The following NFASC variants were observed in gnomAD, a reference collection of about 807,000 sequenced individuals.
NFASC encodes the protein neurofascin homolog.
In NFASC, 43 loss-of-function variants were observed where a neutral mutation model predicts 147.5. The observed-to-expected ratio is 0.29, with a 90% CI of 0.23 to 0.38. The LOEUF is 0.38. Ranked by LOEUF, NFASC falls within the 10% of genes least tolerant of loss-of-function variation. The pLI, the probability that NFASC is intolerant of heterozygous loss-of-function variation, is 1.00. For synonymous variants in NFASC, 622 were observed against 665.5 expected (o/e 0.93, Z 1.01); for missense variants, 1,320 against 1,689.0 (o/e 0.78, Z 3.83).
At chr1:204,878,091 T>C (rs1311889405) in intron 1 of NFASC, among the ~76,000 whole-genome samples, 1 of 152,228 alleles carries the variant, frequency 6.6e-6, no homozygotes, top group African/African-American at 2.4e-5. Flanking sequence ...CCATTAAGCT[T>C]GTTAATGCAA....
At position 205,021,476 on chromosome 1, in the gene NFASC, G is replaced by T. The variant is rs1015417635; in HGVS notation, c.*4937G>T. On this transcript the variant is annotated 3_prime_UTR_variant, in exon 30 of 30. Transcript: ENST00000339876. ...CTAGCTTAGGACAGAATCGGATTTC[G>T]GCATGTGAAGGAATCCCAGAGCTGA... The T allele has an allele frequency of 2.0e-5, 3 of 152,642 alleles. No individual in the cohort carries two copies. Among genetic ancestry groups the T allele is most frequent in the Non-Finnish European group, 4.4e-5 (3 of 68,034 alleles). 9.5% of individuals were successfully genotyped at this position (152,642 alleles called of 1,614,324 possible).
In NFASC at chr1:204,828,654, G is replaced by T. The variant is rs1222139666; in HGVS notation, c.-328G>T. 1.4e-5 allele frequency: 14 copies of T among 984,764 alleles called. No homozygotes were observed. In the Admixed American group the frequency reaches 8.0e-4, roughly 56 times the overall value. 61.0% of individuals were successfully genotyped at this position (984,764 alleles called of 1,614,324 possible). Reference sequence around the variant, plus strand: ...GGGCGCGCCGGCCGCCCGGGGACGCGCACGGGCTGGTCTCTGCCCTAATGC... The same window carrying T: ...GGGCGCGCCGGCCGCCCGGGGACGCTCACGGGCTGGTCTCTGCCCTAATGC... On this transcript the variant is annotated 5_prime_UTR_variant, in exon 1 of 30. Coordinates refer to ENST00000339876, the MANE Select transcript of NFASC (RefSeq NM_001005388.3).
chr1:204,916,035 C>T (rs2089177993), intron 1 of NFASC, among the ~76,000 whole-genome samples: 1 of 152,182 alleles, frequency 6.6e-6, no homozygotes, highest in African/African-American at 2.4e-5. Flanking sequence ...GGAGTGTCTT[C>T]CACACCTACT....
In NFASC at chr1:204,979,629, A is replaced by G; in HGVS notation, c.2176+70A>G. 2.8e-6 allele frequency: 4 copies of G among 1,407,670 alleles called. No homozygotes were observed. Among genetic ancestry groups the G allele is most frequent in the East Asian group, 2.3e-5 (1 of 43,796 alleles). The allele number at this position is 1,407,670 out of a possible 1,614,324, so 87.2% of individuals were successfully genotyped here. ...CCCAAACTCACACTGAGATCCCCCC[A>G]TTCCCAGCCATGTGAACTTAGGTTA... On this transcript the variant is annotated intron_variant, in intron 19 of 29. Coordinates refer to ENST00000339876, the MANE Select transcript of NFASC (RefSeq NM_001005388.3). This position sits in a 1 kb window ranked among gnomAD's most constrained non-coding sequence, Gnocchi z 6.0.
At position 204,986,423 on chromosome 1, in the gene NFASC, G is replaced by A. The variant is rs944426973; in HGVS notation, c.2471-995G>A. ...CACCTGGGCCACCCCACCACCTTCC[G>A]AGGCAGAAGGCAGCACGTCCATCCT... On this transcript the variant is annotated intron_variant, in intron 21 of 29. Coordinates refer to ENST00000339876, the MANE Select transcript of NFASC (RefSeq NM_001005388.3). This position sits in a 1 kb window ranked among gnomAD's most constrained non-coding sequence, Gnocchi z 4.2. Among the ~76,000 whole-genome samples, 6 of 152,330 alleles carry A rather than the reference G, an allele frequency of 3.9e-5. No individual in the cohort carries two copies. Among genetic ancestry groups the A allele is most frequent in the South Asian group, 2.1e-4 (1 of 4,828 alleles).
At chr1:204,909,995 T>C (rs1337612683) in intron 1 of NFASC, among the ~76,000 whole-genome samples, 1 of 152,164 alleles carries the variant, frequency 6.6e-6, no homozygotes. Flanking sequence ...AGTTATATAA[T>C]GAGTCTTTAA....
chr1:205,011,207 A>ACC (rs10628542), intron 28 of NFASC, among the ~76,000 whole-genome samples: 5,120 of 142,902 alleles, frequency 0.036, 208 homozygotes, highest in African/African-American at 0.1. Flanking sequence ...CTCCCCCAGG[A>ACC]CCCCCCCCAA....
intron 1 of NFASC, among the ~76,000 whole-genome samples, chr1:204,881,590 G>A (rs540056973): frequency 6.6e-6 from 1 of 152,244 alleles, no homozygotes; most frequent in African/African-American, 2.4e-5. Context: ...GGTATGAGAC[G>A]GGAGACACAA....
At chr1:204,829,648 T>A (rs1483113702) in intron 1 of NFASC, among the ~76,000 whole-genome samples, 1 of 152,168 alleles carries the variant, frequency 6.6e-6, no homozygotes, top group Non-Finnish European at 1.5e-5. Flanking sequence ...CTGTTCAGGT[T>A]TGTTTCCTAG....
intron 1 of NFASC, among the ~76,000 whole-genome samples, chr1:204,898,781 A>G (rs552076246): frequency 1.3e-5 from 2 of 152,328 alleles, no homozygotes; most frequent in African/African-American, 4.8e-5. Context: ...GAGACTCACA[A>G]GGTCCCGTGT....
chr1:204,931,094 A>T (rs937362817), intron 2 of NFASC, among the ~76,000 whole-genome samples: 5 of 152,200 alleles, frequency 3.3e-5, no homozygotes, highest in Non-Finnish European at 5.9e-5. Flanking sequence ...AAAAAAAAAG[A>T]ATATGAATGA....
intron 27 of NFASC, among the ~76,000 whole-genome samples, chr1:205,003,828 G>A (rs2096052712): frequency 2.0e-5 from 3 of 152,156 alleles, no homozygotes; most frequent in Admixed American, 1.3e-4. Context: ...CTGTGTAAAC[G>A]TCTCACCCCA....
chr1:204,958,699 G>A (rs2094530673), intron 8 of NFASC, among the ~76,000 whole-genome samples: 1 of 152,188 alleles, frequency 6.6e-6, no homozygotes, highest in African/African-American at 2.4e-5. Flanking sequence ...TGCTGTGAGT[G>A]TTGTTTCTGA....
At chr1:204,947,502 C>A (rs1048127423) in intron 3 of NFASC, among the ~76,000 whole-genome samples, 5 of 152,192 alleles carry the variant, frequency 3.3e-5, no homozygotes, top group African/African-American at 1.2e-4. Context: ...GGCTGGGCGC[C>A]GCAGGCCTCC....
chr1:204,981,636 A>AC (rs1375708284), intron 20 of NFASC, among the ~76,000 whole-genome samples, 162 bp from the exon 21 acceptor site: 1 of 151,946 alleles, frequency 6.6e-6, no homozygotes, highest in East Asian at 1.9e-4. Context: ...CTTTTGGGGG[A>AC]CTCACTGGGG....
chr1:204,869,045 C>T (rs1426984629), intron 1 of NFASC, among the ~76,000 whole-genome samples: 3 of 152,188 alleles, frequency 2.0e-5, no homozygotes, highest in African/African-American at 7.2e-5. Context: ...TTCCCATTCC[C>T]TTACAAACTC....
At chr1:205,005,233 G>A (rs191445863) in intron 27 of NFASC, among the ~76,000 whole-genome samples, 8 of 152,308 alleles carry the variant, frequency 5.3e-5, no homozygotes, top group South Asian at 4.1e-4. Flanking sequence ...ATCCATCCCC[G>A]TTATATTTGT....
In NFASC at chr1:204,859,271, C is replaced by T. The variant is rs1237011518; in HGVS notation, c.-200+30489C>T. On this transcript the variant is annotated intron_variant, in intron 1 of 29. Transcript: ENST00000339876. ...TCTAACCATGCTCTGCTCACTGTGC[C>T]AGGTGCTTCTGTCCTCAGAGAGATC... 2.0e-5 allele frequency among the ~76,000 whole-genome samples: 3 copies of T among 152,370 alleles called. No individual in the cohort carries two copies. In the East Asian group the frequency reaches 5.8e-4, roughly 29 times the overall value.
rs138245659 is a variant in NFASC, at chr1:204,928,146, G to A, written c.-91+7406G>A. Among the ~76,000 whole-genome samples, 275 of 152,274 alleles carry A rather than the reference G, an allele frequency of 1.8e-3. 2 individuals are homozygous for A. The highest frequency in any genetic ancestry group is 6.0e-3 in the South Asian group (29 of 4,830). Reference sequence around the variant, plus strand: ...GGTCAGGCTGTCAGTGACTAGTAGGGCCTGAATACATCCACTCACAGATAA... The same window carrying A: ...GGTCAGGCTGTCAGTGACTAGTAGGACCTGAATACATCCACTCACAGATAA... On this transcript the variant is annotated intron_variant, in intron 2 of 29. Coordinates refer to ENST00000339876, the MANE Select transcript of NFASC (RefSeq NM_001005388.3).
Sources: allele counts gnomAD v4.1 joint callset (sites outside exome capture counted in the v4.1 genomes callset), GRCh38; gene constraint gnomAD v4.1.1; non-coding constraint Gnocchi (gnomAD v3.1); transcripts MANE v1.5; gene names NCBI Gene and HGNC (gene_info 2026-07-23, HGNC 2026-07-21).